The following QRSL1 variants were observed in gnomAD, a reference collection of about 807,000 sequenced individuals.
The protein encoded by QRSL1 is glutamyl-tRNA(Gln) amidotransferase subunit A, mitochondrial.
Under a neutral mutation model 61.6 loss-of-function variants are expected in QRSL1, and 54 were observed. That is an observed-to-expected ratio of 0.88 (90% CI 0.70 to 1.10). The LOEUF (loss-of-function observed/expected upper bound fraction) is 1.10, where lower values mean the gene tolerates loss of function less well. QRSL1 is among the 50% of genes least tolerant of loss of function. QRSL1 has a pLI of 0.00. For missense variants in QRSL1, 505 were observed against 622.6 expected, an observed-to-expected ratio of 0.81 and a Z score of 2.01; for synonymous variants, 228 against 225.7, an observed-to-expected ratio of 1.01 and a Z score of -0.09.
chr6:106,638,586 G>A (rs1028108372), intron 1 of QRSL1, among the ~76,000 whole-genome samples: 2 of 152,172 alleles, frequency 1.3e-5, no homozygotes, highest in African/African-American at 4.8e-5. Context: ...TTACAGGCGC[G>A]AACCACTGTG....
chr6:106,655,711 G>C lies in QRSL1; in HGVS notation c.1139G>C (p.Gly380Ala). The change falls in exon 9 of 11, where the codon GGA becomes GCA. Residue 380 changes from glycine to alanine, a missense_variant. Gly to Ala is a moderately conservative substitution (Grantham distance 60). Coordinates refer to ENST00000369046, the MANE Select transcript of QRSL1 (RefSeq NM_018292.5). ...GTGGTGAGAGGAAGAATTCTCTCAGGAAACTTTTTCTTATTAAAAGAGTAA... is the reference window on the plus strand; with the variant it reads ...GTGGTGAGAGGAAGAATTCTCTCAGCAAACTTTTTCTTATTAAAAGAGTAA... ...NDVVRGRILS[G>A]NFFLLKENYE... 6.2e-7 allele frequency: 1 copy of C among 1,611,124 alleles called. No homozygotes were observed. Among genetic ancestry groups the C allele is most frequent in the African/African-American group, 1.3e-5 (1 of 74,940 alleles).
At position 106,630,851 on chromosome 6, in the gene QRSL1, AC is replaced by A. The variant is rs1379439385; in HGVS notation, c.24+1147del. Among the ~76,000 whole-genome samples the A allele has an allele frequency of 1.8e-4, 27 of 152,346 alleles. No homozygotes were observed. The East Asian group carries it at 4.4e-3, about 25-fold the overall frequency. ...AATATATAATGAGAAATTGAAATCC[AC>A]AGGCTTTAAATAATAGTTCTTCCCC... is the stretch of plus-strand genomic sequence containing the variant. On this transcript the variant is annotated intron_variant, in intron 1 of 10. Transcript: ENST00000369046.
intron 5 of QRSL1, among the ~76,000 whole-genome samples, 179 bp from the exon 6 acceptor site, chr6:106,652,030 G>A (rs1298403475): frequency 6.6e-6 from 1 of 152,126 alleles, no homozygotes; most frequent in Non-Finnish European, 1.5e-5. Flanking sequence ...TTTCCTCTGG[G>A]TATTGGAATA....
At chr6:106,657,268 C>CAA (rs199749392) in intron 9 of QRSL1, among the ~76,000 whole-genome samples, 3 of 122,606 alleles carry the variant, frequency 2.4e-5, no homozygotes, top group Admixed American at 8.1e-5. Context: ...AACTCCATCT[C>CAA]AAAAAAAAAA....
At chr6:106,661,686 CTTTTTTTTTTTTTTTTTTT>C (rs572306794) in intron 9 of QRSL1, among the ~76,000 whole-genome samples, 72 of 55,104 alleles carry the variant, frequency 1.3e-3, no homozygotes, top group African/African-American at 3.7e-3. Flanking sequence ...ATGGTTAGTT[CTTTTTTTTTTTTTTTTTTT>C]TTTTTTTTTT....
chr6:106,657,205 G>A (rs979449315), intron 9 of QRSL1, among the ~76,000 whole-genome samples: 6 of 152,030 alleles, frequency 3.9e-5, no homozygotes, highest in African/African-American at 1.4e-4. Context: ...GGAGGCAGAG[G>A]TTGCAGTGAG....
At chr6:106,639,521 A>G (rs1219127175) in intron 1 of QRSL1, among the ~76,000 whole-genome samples, 1 of 152,028 alleles carries the variant, frequency 6.6e-6, no homozygotes, top group Non-Finnish European at 1.5e-5. Context: ...TCCTTCCCCT[A>G]TTCTCCTTTT....
At chr6:106,656,526 T>A (rs1218838819) in intron 9 of QRSL1, among the ~76,000 whole-genome samples, 1 of 152,252 alleles carries the variant, frequency 6.6e-6, no homozygotes, top group Non-Finnish European at 1.5e-5. Context: ...CAAGTGTGTC[T>A]AAGAGGACAT....
At chr6:106,631,803 G>C (rs559809015) in intron 1 of QRSL1, among the ~76,000 whole-genome samples, 1 of 152,078 alleles carries the variant, frequency 6.6e-6, no homozygotes, top group South Asian at 2.1e-4. Context: ...TCATTTCTTT[G>C]TGTTACAAAC....
chr6:106,662,950 T>A, intron 9 of QRSL1, 30 bp from the exon 10 acceptor site: 1 of 1,526,578 alleles, frequency 6.6e-7, no homozygotes, highest in Non-Finnish European at 9.1e-7. Flanking sequence ...CAAAAAATCC[T>A]TAAAAACATC....
chr6:106,652,887 T>TAAC (rs1460463537), intron 7 of QRSL1: 101 of 741,622 alleles, frequency 1.4e-4, no homozygotes, highest in Non-Finnish European at 2.0e-4. Flanking sequence ...GTCTTTATCA[T>TAAC]AACTGCTTAA....
intron 4 of QRSL1, among the ~76,000 whole-genome samples, chr6:106,645,309 A>C (rs1777090223): frequency 6.6e-6 from 1 of 152,264 alleles, no homozygotes; most frequent in African/African-American, 2.4e-5. Context: ...ACTTGGAAAG[A>C]ATCGGCATCA....
chr6:106,664,060 C>T (rs1239243280), intron 10 of QRSL1, among the ~76,000 whole-genome samples: 1 of 152,102 alleles, frequency 6.6e-6, no homozygotes, highest in Non-Finnish European at 1.5e-5. Flanking sequence ...ATAAATTTTC[C>T]TACAGAACCA....
At chr6:106,635,285 G>A (rs1776901677) in intron 1 of QRSL1, among the ~76,000 whole-genome samples, 1 of 152,194 alleles carries the variant, frequency 6.6e-6, no homozygotes, top group African/African-American at 2.4e-5. Context: ...AGTGAGACAG[G>A]AGGAAAACCA....
chr6:106,653,720 A>T (rs1467182622), intron 7 of QRSL1: 3 of 149,104 alleles, frequency 2.0e-5, no homozygotes, highest in Non-Finnish European at 4.4e-5. Flanking sequence ...GCTGTTTGGG[A>T]GGCTGAGGGG....
At chr6:106,631,142 C>T (rs987224378) in intron 1 of QRSL1, among the ~76,000 whole-genome samples, 7 of 152,004 alleles carry the variant, frequency 4.6e-5, no homozygotes, top group Admixed American at 2.0e-4. Context: ...AGGAGAATGG[C>T]GTGAACCCGG....
intron 1 of QRSL1, among the ~76,000 whole-genome samples, chr6:106,633,914 C>T (rs1277974385): frequency 6.7e-6 from 1 of 150,216 alleles, no homozygotes; most frequent in African/African-American, 2.5e-5. Context: ...TGAAACCTAA[C>T]TTTTTTGTGT....
chr6:106,636,031 T>C (rs914169597), intron 1 of QRSL1, among the ~76,000 whole-genome samples: 6 of 152,178 alleles, frequency 3.9e-5, no homozygotes, highest in African/African-American at 1.4e-4. Flanking sequence ...AAATCTGAAA[T>C]GCTCCAAAAT....
intron 1 of QRSL1, among the ~76,000 whole-genome samples, chr6:106,639,668 G>C (rs1412911295): frequency 6.6e-6 from 1 of 151,946 alleles, no homozygotes; most frequent in Non-Finnish European, 1.5e-5. Context: ...GGAAATATTA[G>C]ACACTCATCA....
Sources: allele counts gnomAD v4.1 joint callset (sites outside exome capture counted in the v4.1 genomes callset), GRCh38; gene constraint gnomAD v4.1.1; transcripts MANE v1.5; gene names NCBI Gene and HGNC (gene_info 2026-07-23, HGNC 2026-07-21).